MRPL46: variants seen among roughly 807,000 people sequenced by gnomAD.
MRPL46 encodes the protein large ribosomal subunit protein mL46.
In MRPL46, 26 loss-of-function variants were observed where a neutral mutation model predicts 31.0. The ratio of observed to expected loss-of-function variants is 0.84; its 90% confidence interval spans 0.61 to 1.16. The LOEUF is 1.16. Among genes scored for constraint, MRPL46 ranks in the 50% most tolerant of loss-of-function variants. MRPL46 has a pLI of 0.00. For synonymous variants in MRPL46, 159 were observed against 141.3 expected, an observed-to-expected ratio of 1.13 and a Z score of -0.89; for missense variants, 395 against 340.0, an observed-to-expected ratio of 1.16 and a Z score of -1.27.
intron 2 of MRPL46, chr15:88,465,252 C>A: frequency 2.4e-6 from 1 of 419,282 alleles, no homozygotes; most frequent in East Asian, 3.5e-5. Flanking sequence ...GAAAACAGAA[C>A]TCAATCTCCC....
rs1283654045 is a variant in MRPL46 at position 88,459,686 on chromosome 15, G to A, written c.767C>T (p.Thr256Ile). Residue 256 changes from threonine (T) to isoleucine (I), a missense_variant, in exon 4 of 4, where the codon ACT becomes ATT. Thr to Ile is a moderately conservative substitution (Grantham distance 89). Transcript: ENST00000312475. ...AGNKGHHVWV[T>I]KDELGDYLKP... ...CAAATAGTCACCCAGCTCATCCTTA[G>A]TGACCCACACATGATGGCCCTTATT... The A allele has an allele frequency of 5.0e-6, 8 of 1,614,040 alleles. No individual in the cohort carries two copies. The East Asian group carries it at 8.9e-5, about 18-fold the overall frequency.
rs1241002662 is a variant in MRPL46 at position 88,465,724 on chromosome 15, T to G, written c.278A>C (p.Asp93Ala). The G allele has an allele frequency of 5.0e-6, 8 of 1,613,564 alleles. No individual in the cohort carries two copies. The highest frequency in any genetic ancestry group is 6.8e-6 in the Non-Finnish European group (8 of 1,179,978). ...LYSDHELRAL[D>A]ENQRLAKKKA... ...CTTCTTTGCCAGTCGCTGGTTTTCA[T>G]CCAGAGCACGAAGCTCGTGGTCTGA... Residue 93 changes from aspartate to alanine, a missense_variant, in exon 2 of 4, where the codon GAT (aspartate) becomes GCT (alanine). Coordinates refer to ENST00000312475, the MANE Select transcript of MRPL46 (RefSeq NM_022163.4).
Position 88,465,673 on chromosome 15 carries a change from T to A in MRPL46, c.329A>T (p.Asp110Val), listed in dbSNP as rs1324210778. The A allele has an allele frequency of 1.2e-6, 2 of 1,613,826 alleles. No individual in the cohort carries two copies. The highest frequency in any genetic ancestry group is 1.7e-5 in the Admixed American group (1 of 59,956). ...KKKADLHDEE[D>V]EQDILLAQDL... ...TTGCGCCAGCAATATATCCTGTTCA[T>A]CTTCTTCATCATGAAGGTCAGCTTT... is the stretch of plus-strand genomic sequence containing the variant. The change falls in exon 2 of 4, where the codon GAT becomes GTT. Residue 110 changes from aspartate (D) to valine (V), a missense_variant. By Grantham distance (152) the Asp-to-Val change is radical. Coordinates refer to ENST00000312475, the MANE Select transcript of MRPL46 (RefSeq NM_022163.4).
rs779110941 is a variant in MRPL46, at chr15:88,465,607, T to A, written c.395A>T (p.Lys132Ile). ...ACAACCTGTTATGCGAGCTCCAAGTTTGAACTGTAGAAATTTCTGCTCCCA... is the reference window on the plus strand; with the variant it reads ...ACAACCTGTTATGCGAGCTCCAAGTATGAACTGTAGAAATTTCTGCTCCCA... ...DMWEQKFLQF[K>I]LGARITEADE... The change falls in exon 2 of 4, where the codon AAA becomes ATA. Residue 132 changes from lysine (K) to isoleucine (I), a missense_variant. Coordinates refer to ENST00000312475, the MANE Select transcript of MRPL46 (RefSeq NM_022163.4). 2.9e-5 allele frequency: 46 copies of A among 1,610,898 alleles called. No individual in the cohort carries two copies. Among genetic ancestry groups the A allele is most frequent in the Non-Finnish European group, 3.6e-5 (43 of 1,179,086 alleles).
Position 88,464,799 on chromosome 15 carries a change from A to T in MRPL46, c.493T>A (p.Phe165Ile). The T allele has an allele frequency of 6.2e-7, 1 of 1,614,114 alleles. No homozygotes were observed. Among genetic ancestry groups the T allele is most frequent in the Middle Eastern group, 1.6e-4 (1 of 6,062 alleles). ...AGTATCCAAACATCCTGGTCTCCAA[A>T]CTTCTCTCTGACTAACAGGACAAGG... ...RNLVLLVREK[F>I]GDQDVWILPQ... is the part of the protein sequence containing the mutation. The change falls in exon 3 of 4, where the codon TTT (phenylalanine) becomes ATT (isoleucine). Residue 165 changes from phenylalanine (F) to isoleucine (I), a missense_variant. Transcript: ENST00000312475.
intron 3 of MRPL46, chr15:88,460,785 G>C (rs899200723): frequency 3.9e-5 from 6 of 152,166 alleles, no homozygotes; most frequent in African/African-American, 1.4e-4. Context: ...ACCCAGGCTG[G>C]AGTGCAGTCG....
At chr15:88,460,993 G>A (rs891598280) in intron 3 of MRPL46, 3 of 152,030 alleles carry the variant, frequency 2.0e-5, no homozygotes, top group Non-Finnish European at 2.9e-5. Context: ...CGCCTACCTC[G>A]GCCTCCCAAA....
intron 1 of MRPL46, 96 bp downstream of exon 1, chr15:88,467,054 G>T: frequency 7.5e-7 from 1 of 1,340,414 alleles, no homozygotes; most frequent in Non-Finnish European, 1.0e-6. Flanking sequence ...ACCATTCTGC[G>T]GATAAGTACC....
rs764274956 is a variant in MRPL46, at chr15:88,467,369, C to A, written c.9G>T (p.Ala3=). MA[A]PVRRTLLGVA... is the part of the protein sequence containing the mutation. ...CCCCTAACAGCGTCCGCCTTACGGG[C>A]GCCGCCATCTTTCGTTCTCCCACAA... The change falls in exon 1 of 4, where the codon GCG becomes GCT. Residue 3 remains alanine (A), a synonymous_variant. Transcript: ENST00000312475. The A allele has an allele frequency of 1.9e-6, 3 of 1,574,534 alleles. No individual in the cohort carries two copies. The South Asian group carries it at 3.4e-5, about 18-fold the overall frequency.
chr15:88,460,078 T>C (rs1360641340), intron 3 of MRPL46: 5 of 583,964 alleles, frequency 8.6e-6, no homozygotes, highest in Admixed American at 6.2e-5. Context: ...CCAGGCTCAC[T>C]CCCATGTGCC....
At chr15:88,462,428 A>G (rs912477453) in intron 3 of MRPL46, 3 of 152,266 alleles carry the variant, frequency 2.0e-5, no homozygotes, top group African/African-American at 7.2e-5. Context: ...CAGTTCACAA[A>G]AGAAGAAGTA....
In MRPL46 at chr15:88,464,721, T is replaced by A; in HGVS notation, c.571A>T (p.Thr191Ser). 1 of 1,611,616 alleles carries A rather than the reference T, an allele frequency of 6.2e-7. No homozygotes were observed. The highest frequency in any genetic ancestry group is 1.1e-5 in the South Asian group (1 of 90,990). The stretch of plus-strand genomic sequence containing the variant: ...AACCCACCTGAGAGTGTGGCCAGGG[T>A]TCGTTCAGCTGTTCCTCGAAGGGTC... The part of the protein sequence containing the change: ...GETLRGTAER[T>S]LATLSENNME... The change falls in exon 3 of 4, where the codon ACC (threonine) becomes TCC (serine). Residue 191 changes from threonine to serine, a missense_variant. Physicochemically the swap from Thr to Ser is moderately conservative, Grantham distance 58. Transcript: ENST00000312475.
chr15:88,462,809 C>T (rs928092028), intron 3 of MRPL46: 1 of 152,182 alleles, frequency 6.6e-6, no homozygotes, highest in African/African-American at 2.4e-5. Flanking sequence ...TTGAGTTTTT[C>T]TTTGCCATTT....
chr15:88,464,617 T>TAAAAAA, intron 3 of MRPL46, 86 bp downstream of exon 3: 4 of 597,324 alleles, frequency 6.7e-6, no homozygotes, highest in Non-Finnish European at 1.2e-5. Flanking sequence ...CCCCCACCCT[T>TAAAAAA]AATCCAATTC....
chr15:88,460,007 C>A, intron 3 of MRPL46, 144 bp from the exon 4 acceptor site: 1 of 1,025,456 alleles, frequency 9.8e-7, no homozygotes, highest in Non-Finnish European at 1.4e-6. Flanking sequence ...AGAGCCATTC[C>A]TGAAAAGAGG....
intron 1 of MRPL46, 87 bp downstream of exon 1, chr15:88,467,063 C>T (rs1448052053): frequency 7.1e-6 from 10 of 1,415,330 alleles, no homozygotes; most frequent in Non-Finnish European, 9.8e-6. Flanking sequence ...CGGATAAGTA[C>T]CGTATACTTA....
At chr15:88,460,514 A>T (rs564437091) in intron 3 of MRPL46, 1 of 152,488 alleles carries the variant, frequency 6.6e-6, no homozygotes, top group Admixed American at 6.5e-5. Context: ...ACCCCAATTC[A>T]GCATTTCAAA....
chr15:88,466,857 C>A (rs905828755), intron 1 of MRPL46, among the ~76,000 whole-genome samples: 2 of 152,208 alleles, frequency 1.3e-5, no homozygotes, highest in African/African-American at 4.8e-5. Flanking sequence ...AGACTTTCTC[C>A]CTCCAGACTT....
chr15:88,463,472 A>C lies in MRPL46; in HGVS notation c.589+1231T>G, dbSNP rs1010833812. ...GCATAAGTGAAAGAATGTATTCTCCACTAGAACACAAGCTCCTAGGGAGTA... is the reference window on the plus strand; with the variant it reads ...GCATAAGTGAAAGAATGTATTCTCCCCTAGAACACAAGCTCCTAGGGAGTA... On this transcript the variant is annotated intron_variant, in intron 3 of 3. Coordinates refer to ENST00000312475, the MANE Select transcript of MRPL46 (RefSeq NM_022163.4). This position sits in a 1 kb window ranked among gnomAD's most constrained non-coding sequence, Gnocchi z 5.4. The C allele has an allele frequency of 1.3e-5, 2 of 152,226 alleles. No homozygotes were observed. The highest frequency in any genetic ancestry group is 4.8e-5 in the African/African-American group (2 of 41,452). 9.4% of individuals were successfully genotyped at this position (152,226 alleles called of 1,614,324 possible).
Sources: allele counts gnomAD v4.1 joint callset (sites outside exome capture counted in the v4.1 genomes callset), GRCh38; gene constraint gnomAD v4.1.1; non-coding constraint Gnocchi (gnomAD v3.1); transcripts MANE v1.5; gene names NCBI Gene and HGNC (gene_info 2026-07-23, HGNC 2026-07-21).